ATP6V1B1: variants seen among roughly 807,000 people sequenced by gnomAD.
The protein encoded by ATP6V1B1 is V-type proton ATPase subunit B, kidney isoform.
ATP6V1B1 carries 41 observed loss-of-function variants against 62.1 expected under a neutral mutation model. The ratio of observed to expected loss-of-function variants is 0.66; its 90% confidence interval spans 0.51 to 0.86. The LOEUF (loss-of-function observed/expected upper bound fraction) is 0.86, where lower values mean the gene tolerates loss of function less well. Among genes scored for constraint, ATP6V1B1 ranks in the 40% least tolerant of loss-of-function variants. The pLI is 0.00. For missense variants in ATP6V1B1, 651 were observed against 697.5 expected (o/e 0.93, Z 0.75); for synonymous variants, 253 against 273.4 (o/e 0.93, Z 0.74).
chr2:70,940,345 C>CCCCAACCCAAAAA, intron 1 of ATP6V1B1: 1 of 902,808 alleles, frequency 1.1e-6, no homozygotes, highest in Non-Finnish European at 1.3e-6. Context: ...CCCACACCCC[C>CCCCAACCCAAAAA]ACCTCCCTAT....
intron 2 of ATP6V1B1, among the ~76,000 whole-genome samples, chr2:70,951,749 A>G (rs924604736): frequency 2.6e-5 from 4 of 151,946 alleles, no homozygotes; most frequent in Admixed American, 2.0e-4. Flanking sequence ...AATACAAAAC[A>G]TTAGCTGGGT....
At chr2:70,947,058 G>A (rs987567117) in intron 2 of ATP6V1B1, among the ~76,000 whole-genome samples, 2 of 152,078 alleles carry the variant, frequency 1.3e-5, no homozygotes, top group African/African-American at 4.8e-5. Context: ...GAATCACACA[G>A]GCAATTACTC....
chr2:70,943,333 G>A (rs1303565203), intron 1 of ATP6V1B1: 3 of 533,088 alleles, frequency 5.6e-6, no homozygotes, highest in South Asian at 2.0e-5. Context: ...AGGAGGGAGT[G>A]GGTGAGGTGG....
chr2:70,960,154 C>T, intron 6 of ATP6V1B1, 76 bp downstream of exon 6: 1 of 1,594,898 alleles, frequency 6.3e-7, no homozygotes, highest in Non-Finnish European at 8.6e-7. Flanking sequence ...CCAGTGAGGA[C>T]AGCTCCTGTG....
intron 7 of ATP6V1B1, among the ~76,000 whole-genome samples, chr2:70,961,293 G>A (rs1553420065): frequency 6.6e-6 from 1 of 152,212 alleles, no homozygotes; most frequent in Non-Finnish European, 1.5e-5. Context: ...AGGCCTGGGA[G>A]GCCAGGGAGG....
At position 70,964,786 on chromosome 2, in the gene ATP6V1B1, T is replaced by TG. The variant is rs2104834401; in HGVS notation, c.1303dup (p.Glu435GlyfsTer7). On this transcript the variant is annotated frameshift_variant, in exon 13 of 14. Coordinates refer to ENST00000234396, the MANE Select transcript of ATP6V1B1 (RefSeq NM_001692.4). LOFTEE classifies it high-confidence loss of function. The stretch of plus-strand genomic sequence containing the variant: ...ACGTGCAGGCCATGAAGGCAGTAGT[T>TG]GGGGAGGAGGCGCTCACCTCTGAGG... The TG allele has an allele frequency of 6.2e-7, 1 of 1,613,980 alleles. No individual in the cohort carries two copies. The highest frequency in any genetic ancestry group is 8.5e-7 in the Non-Finnish European group (1 of 1,180,020).
intron 1 of ATP6V1B1, among the ~76,000 whole-genome samples, chr2:70,939,137 C>T (rs782002637): frequency 6.6e-6 from 1 of 152,252 alleles, no homozygotes; most frequent in Non-Finnish European, 1.5e-5. Context: ...TCTCCCAGGA[C>T]GCTGCAGGTG....
At chr2:70,943,596 C>T (rs782070726) in intron 1 of ATP6V1B1, 62 bp from the exon 2 acceptor site, 1 of 1,548,370 alleles carries the variant, frequency 6.5e-7, no homozygotes, top group Middle Eastern at 1.7e-4. Context: ...CAGAGGATGC[C>T]TCTGTGTGTG....
intron 1 of ATP6V1B1, chr2:70,941,894 G>C: frequency 1.0e-6 from 1 of 987,592 alleles, no homozygotes; most frequent in African/African-American, 1.7e-5. Context: ...CAGGCTCTGA[G>C]TGTAGCCATC....
At chr2:70,946,745 C>T (rs909221951) in intron 2 of ATP6V1B1, among the ~76,000 whole-genome samples, 44 of 152,284 alleles carry the variant, frequency 2.9e-4, no homozygotes, top group African/African-American at 1.0e-3. Flanking sequence ...CCCTCTCCAC[C>T]TCCACCACAC....
At chr2:70,955,409 C>T (rs541212498) in intron 2 of ATP6V1B1, among the ~76,000 whole-genome samples, 2 of 152,258 alleles carry the variant, frequency 1.3e-5, no homozygotes, top group East Asian at 3.9e-4. Flanking sequence ...GTTATGCAAA[C>T]ATCATCATAA....
intron 2 of ATP6V1B1, among the ~76,000 whole-genome samples, chr2:70,947,340 G>A (rs1424883047): frequency 1.3e-5 from 2 of 152,188 alleles, no homozygotes; most frequent in African/African-American, 2.4e-5. Context: ...CAGGCAGATT[G>A]CTAGGCCCCA....
intron 1 of ATP6V1B1, chr2:70,942,403 C>G: frequency 2.5e-6 from 1 of 398,686 alleles, no homozygotes; most frequent in Non-Finnish European, 4.4e-6. Context: ...GCAAGAATCA[C>G]CGTGCCCAGT....
chr2:70,937,335 G>T (rs1346826326), intron 1 of ATP6V1B1, among the ~76,000 whole-genome samples: 1 of 152,108 alleles, frequency 6.6e-6, no homozygotes, highest in Non-Finnish European at 1.5e-5. Flanking sequence ...GCCCGGGGGC[G>T]CATGGGAGGA....
chr2:70,942,347 T>C, intron 1 of ATP6V1B1: 1 of 398,490 alleles, frequency 2.5e-6, no homozygotes, highest in Non-Finnish European at 4.4e-6. Flanking sequence ...AGGCCCGGAG[T>C]TTTCCAAATG....
intron 13 of ATP6V1B1, 44 bp downstream of exon 13, chr2:70,964,909 C>T: frequency 6.2e-7 from 1 of 1,614,062 alleles, no homozygotes. Context: ...TCTTCACCCT[C>T]CTTCCGCCCC....
Position 70,954,381 on chromosome 2 carries a change from A to AT in ATP6V1B1, c.175-3658dup, listed in dbSNP as rs1181812475. ...CCAAATGTAAGAGGTATTTCTAACC[A>AT]TTTTTTTGCTGTTGTTATTGATTTC... On this transcript the variant is annotated intron_variant, in intron 2 of 13. Transcript: ENST00000234396. Among the ~76,000 whole-genome samples the AT allele has an allele frequency of 1.4e-4, 22 of 152,122 alleles. No homozygotes were observed. The East Asian group carries it at 3.5e-3, about 24-fold the overall frequency.
At chr2:70,952,996 C>T (rs1334303381) in intron 2 of ATP6V1B1, among the ~76,000 whole-genome samples, 1 of 152,158 alleles carries the variant, frequency 6.6e-6, no homozygotes, top group Non-Finnish European at 1.5e-5. Context: ...TTTGTTGAGA[C>T]AGGGTCCCTC....
intron 2 of ATP6V1B1, among the ~76,000 whole-genome samples, chr2:70,955,138 C>G (rs563750942): frequency 6.6e-6 from 1 of 151,998 alleles, no homozygotes; most frequent in Non-Finnish European, 1.5e-5. Context: ...GGAGGAACAG[C>G]CTGATGGTTT....
Sources: gnomAD v4.1 joint callset for allele counts (sites outside exome capture counted in the v4.1 genomes callset) on GRCh38, gnomAD v4.1.1 for gene constraint, MANE v1.5 for transcripts, NCBI Gene and HGNC (gene_info 2026-07-23, HGNC 2026-07-21) for gene names.